Variants in TASP1 observed in about 807,000 individuals in gnomAD.
The protein encoded by TASP1 is threonine aspartase 1.
Under a neutral mutation model 56.6 loss-of-function variants are expected in TASP1, and 16 were observed. The ratio of observed to expected loss-of-function variants is 0.28; its 90% confidence interval spans 0.19 to 0.43. The LOEUF (loss-of-function observed/expected upper bound fraction) is 0.43, where lower values mean the gene tolerates loss of function less well. Among genes scored for constraint, TASP1 ranks in the 20% least tolerant of loss-of-function variants. TASP1 has a pLI of 1.00. For missense variants in TASP1, 393 were observed against 511.6 expected (o/e 0.77, Z 2.24); for synonymous variants, 179 against 184.2 (o/e 0.97, Z 0.23).
chr20:13,180,145 T>C, the TASP1 span, among the ~76,000 whole-genome samples: 1 of 152,200 alleles, frequency 6.6e-6, no homozygotes, highest in African/African-American at 2.4e-5. Flanking sequence ...ATTTCAAGAA[T>C]AAATTCTGCC....
At chr20:13,599,754 T>C (rs1280205674) in intron 4 of TASP1, among the ~76,000 whole-genome samples, 1 of 143,960 alleles carries the variant, frequency 6.9e-6, no homozygotes, top group African/African-American at 2.6e-5. Context: ...TAGATACAGA[T>C]AAAGAGGCTA....
At chr20:13,395,628 G>C (rs1214612397) in intron 13 of TASP1, among the ~76,000 whole-genome samples, 3 of 151,978 alleles carry the variant, frequency 2.0e-5, no homozygotes, top group African/African-American at 7.3e-5. Flanking sequence ...TTGTGAACTG[G>C]GTAGTACCTT....
intron 10 of TASP1, among the ~76,000 whole-genome samples, chr20:13,484,862 C>T (rs1489586632): frequency 6.6e-6 from 1 of 151,972 alleles, no homozygotes; most frequent in African/African-American, 2.4e-5. Context: ...CCATCATTCT[C>T]AGCAAACTAA....
the TASP1 span, among the ~76,000 whole-genome samples, chr20:13,351,353 C>A: frequency 0.2 from 29,985 of 152,136 alleles, 3,474 homozygotes; most frequent in African/African-American, 0.32. Context: ...ATGAAAGCCT[C>A]TCCTCACACA....
the TASP1 span, among the ~76,000 whole-genome samples, chr20:13,180,867 T>TG: frequency 6.6e-6 from 1 of 152,210 alleles, no homozygotes. Context: ...ATGAACCCAA[T>TG]GATCTGGTTA....
chr20:13,249,995 C>T, the TASP1 span, among the ~76,000 whole-genome samples: 1 of 152,256 alleles, frequency 6.6e-6, no homozygotes, highest in East Asian at 1.9e-4. Context: ...CCAAGAAAGT[C>T]TATAATGGAT....
chr20:13,510,580 T>A (rs1402348801), intron 10 of TASP1, among the ~76,000 whole-genome samples: 1 of 152,208 alleles, frequency 6.6e-6, no homozygotes, highest in Non-Finnish European at 1.5e-5. Context: ...ATGATTTTTT[T>A]AACTCTCTAA....
chr20:13,637,685 C>T (rs1226671819), intron 1 of TASP1, among the ~76,000 whole-genome samples: 1 of 152,054 alleles, frequency 6.6e-6, no homozygotes, highest in Non-Finnish European at 1.5e-5. Flanking sequence ...ATAGGAAAAT[C>T]CATAGATACA....
intron 12 of TASP1, among the ~76,000 whole-genome samples, chr20:13,424,927 T>C (rs541870176): frequency 1.3e-5 from 2 of 152,294 alleles, no homozygotes; most frequent in South Asian, 4.1e-4. Flanking sequence ...ACATATCATG[T>C]CATACAAATG....
the TASP1 span, chr20:13,300,037 A>G: frequency 6.6e-6 from 1 of 152,322 alleles, no homozygotes; most frequent in African/African-American, 2.4e-5. Context: ...CCCACCTTAA[A>G]CCAAATGTTA....
intron 11 of TASP1, among the ~76,000 whole-genome samples, chr20:13,454,170 T>C (rs561393855): frequency 1.2e-4 from 19 of 152,170 alleles, no homozygotes; most frequent in African/African-American, 4.6e-4. Context: ...AGTGTCTGCA[T>C]TTCATCCTCT....
chr20:13,359,945 G>A, the TASP1 span, among the ~76,000 whole-genome samples: 218 of 152,042 alleles, frequency 1.4e-3, 3 homozygotes, highest in Middle Eastern at 0.017. Context: ...CCCACTCAAT[G>A]CCAATATCCC....
At chr20:13,290,254 T>C in the TASP1 span, among the ~76,000 whole-genome samples, 6 of 150,180 alleles carry the variant, frequency 4.0e-5, no homozygotes, top group Non-Finnish European at 7.4e-5. Flanking sequence ...CAATAAATAA[T>C]AACAATATGA....
intron 6 of TASP1, among the ~76,000 whole-genome samples, chr20:13,572,309 T>A (rs577589455): frequency 1.3e-5 from 2 of 152,330 alleles, no homozygotes; most frequent in East Asian, 3.9e-4. Context: ...GTTATACCCA[T>A]CTTCGTTTAC....
At chr20:13,374,983 A>G in the TASP1 span, among the ~76,000 whole-genome samples, 10 of 152,328 alleles carry the variant, frequency 6.6e-5, no homozygotes, top group Admixed American at 6.5e-4. Context: ...TCCACTAATT[A>G]CCACTAATTG....
chr20:13,528,219 C>CAAAAAAAAAAAAAAAAAA (rs397942980), intron 10 of TASP1, among the ~76,000 whole-genome samples: 1 of 54,316 alleles, frequency 1.8e-5, no homozygotes, highest in African/African-American at 7.5e-5. Context: ...GACTCTGACT[C>CAAAAAAAAAAAAAAAAAA]AAAAAAAAAA....
chr20:13,157,148 C>T, the TASP1 span, among the ~76,000 whole-genome samples: 1 of 151,946 alleles, frequency 6.6e-6, no homozygotes, highest in Non-Finnish European at 1.5e-5. Flanking sequence ...GGTCAAATTA[C>T]TTTCTAAAGC....
the TASP1 span, among the ~76,000 whole-genome samples, chr20:13,382,577 T>C: frequency 2.0e-5 from 3 of 152,162 alleles, no homozygotes; most frequent in Non-Finnish European, 1.5e-5. Context: ...GCCTGGGAAG[T>C]TGAGGCTGTG....
intron 8 of TASP1, among the ~76,000 whole-genome samples, chr20:13,540,337 A>G (rs1354196742): frequency 2.6e-5 from 4 of 152,232 alleles, no homozygotes; most frequent in Non-Finnish European, 4.4e-5. Context: ...ATCAAAATTT[A>G]TAAGTTCTAC....
Sources: allele counts gnomAD v4.1 joint callset (sites outside exome capture counted in the v4.1 genomes callset), GRCh38; gene constraint gnomAD v4.1.1; transcripts MANE v1.5; gene names NCBI Gene and HGNC (gene_info 2026-07-23, HGNC 2026-07-21).